CTNNAL1: variants seen among roughly 807,000 people sequenced by gnomAD.
CTNNAL1 encodes the protein catenin alpha like 1, also known as alpha-catulin.
CTNNAL1 carries 69 observed loss-of-function variants against 93.6 expected under a neutral mutation model. That is an observed-to-expected ratio of 0.74 (90% CI 0.61 to 0.90). The LOEUF (loss-of-function observed/expected upper bound fraction) is 0.90. Ranked by LOEUF, CTNNAL1 falls within the 40% of genes least tolerant of loss-of-function variation. CTNNAL1 has a pLI of 0.00. For missense variants in CTNNAL1, 836 were observed against 862.0 expected, an observed-to-expected ratio of 0.97 and a Z score of 0.38; for synonymous variants, 286 against 305.4, an observed-to-expected ratio of 0.94 and a Z score of 0.66.
chr9:109,001,831 A>G (rs62575214), intron 1 of CTNNAL1, among the ~76,000 whole-genome samples: 7,548 of 152,294 alleles, frequency 0.05, 303 homozygotes, highest in South Asian at 0.12. Context: ...AAGCCACTCT[A>G]GAATTAACCC....
chr9:108,979,334 A>G lies in CTNNAL1; in HGVS notation c.1048T>C (p.Ser350Pro), dbSNP rs1162057491. ...TGCAGTTCCATTCTCGCCTGAGTTG[A>G]CAGTTCCAAGATGCGTTCTCTGTGC... ...HEHRERILEL[S>P]TQARMELQQL... The change falls in exon 7 of 19, where the codon TCA becomes CCA. Residue 350 changes from serine to proline, a missense_variant. Physicochemically the swap from Ser to Pro is moderately conservative, Grantham distance 74. Transcript: ENST00000325551. 1.2e-6 allele frequency: 2 copies of G among 1,614,058 alleles called. No homozygotes were observed. The highest frequency in any genetic ancestry group is 1.3e-5 in the African/African-American group (1 of 74,912).
At chr9:108,966,199 G>A (rs913537307) in intron 10 of CTNNAL1, among the ~76,000 whole-genome samples, 3 of 152,084 alleles carry the variant, frequency 2.0e-5, no homozygotes, top group African/African-American at 7.2e-5. Context: ...TCCAAGTTCA[G>A]GCTCTTTCCA....
Position 108,951,658 on chromosome 9 carries a change from T to C in CTNNAL1, c.1835+551A>G, listed in dbSNP as rs187721807. On this transcript the variant is annotated intron_variant, in intron 14 of 18. Coordinates refer to ENST00000325551, the MANE Select transcript of CTNNAL1 (RefSeq NM_003798.4). Reference sequence around the variant, plus strand: ...ATTACTAAAATGGAAGACTGAAATATGACTAACATTGACATCAACAAGGCA... The same window carrying C: ...ATTACTAAAATGGAAGACTGAAATACGACTAACATTGACATCAACAAGGCA... Among the ~76,000 whole-genome samples the C allele has an allele frequency of 7.9e-4, 120 of 152,316 alleles. 1 individual carries two copies. The highest frequency in any genetic ancestry group is 2.7e-3 in the African/African-American group (111 of 41,578).
At chr9:109,006,749 G>C (rs1827038827) in intron 1 of CTNNAL1, among the ~76,000 whole-genome samples, 1 of 152,164 alleles carries the variant, frequency 6.6e-6, no homozygotes, top group African/African-American at 2.4e-5. Flanking sequence ...GGGTTTACTT[G>C]ATAGCTTCTA....
At chr9:108,955,369 A>G (rs1830666160) in intron 12 of CTNNAL1, among the ~76,000 whole-genome samples, 1 of 152,128 alleles carries the variant, frequency 6.6e-6, no homozygotes, top group Admixed American at 6.5e-5. Context: ...TCTTTCCCAT[A>G]AGTATGACAT....
At chr9:108,975,339 G>C (rs555776959) in intron 8 of CTNNAL1, among the ~76,000 whole-genome samples, 1 of 151,956 alleles carries the variant, frequency 6.6e-6, no homozygotes, top group African/African-American at 2.4e-5. Flanking sequence ...GCAGGGGTGG[G>C]GGTAGGGGGG....
chr9:108,968,794 C>A (rs1230189437), intron 10 of CTNNAL1, among the ~76,000 whole-genome samples: 1 of 152,154 alleles, frequency 6.6e-6, no homozygotes, highest in Admixed American at 6.6e-5. Context: ...GCACTGTTCT[C>A]AGCTATAAAT....
Position 108,943,763 on chromosome 9 carries a change from A to C in CTNNAL1, c.1995T>G (p.Pro665=). 6.2e-7 allele frequency: 1 copy of C among 1,613,916 alleles called. No individual in the cohort carries two copies. The highest frequency in any genetic ancestry group is 8.5e-7 in the Non-Finnish European group (1 of 1,179,906). Residue 665 remains proline (P), a synonymous_variant, in exon 17 of 19, where the codon CCT becomes CCG. Transcript: ENST00000325551. ...TTACTGTCTGGAGCTGGTGGCATAG[A>C]GGAATTAGCTTGTTTATTTCCAGGA... ...MLLLEINKLI[P]LCHQLQTVTK...
intron 14 of CTNNAL1, among the ~76,000 whole-genome samples, chr9:108,949,176 G>T (rs1476604799): frequency 6.6e-6 from 1 of 152,054 alleles, no homozygotes; most frequent in Non-Finnish European, 1.5e-5. Flanking sequence ...ACTGCTACAA[G>T]GTATTTATCT....
chr9:109,005,313 TGG>T (rs1826987757), intron 1 of CTNNAL1, among the ~76,000 whole-genome samples: 1 of 152,156 alleles, frequency 6.6e-6, no homozygotes, highest in Non-Finnish European at 1.5e-5. Context: ...GCTACCATCT[TGG>T]AAGAGACTGC....
chr9:108,955,016 G>A (rs1830657804), intron 12 of CTNNAL1, among the ~76,000 whole-genome samples: 1 of 150,712 alleles, frequency 6.6e-6, no homozygotes, highest in Admixed American at 6.6e-5. Flanking sequence ...AGGCTGGAGT[G>A]CAGTGGCACG....
intron 8 of CTNNAL1, among the ~76,000 whole-genome samples, chr9:108,975,379 A>G (rs1831238576): frequency 6.6e-6 from 1 of 152,022 alleles, no homozygotes; most frequent in South Asian, 2.1e-4. Context: ...AGAACCACTA[A>G]GGTATCCATG....
chr9:108,960,888 G>T (rs1186823808), intron 11 of CTNNAL1, among the ~76,000 whole-genome samples: 1 of 152,194 alleles, frequency 6.6e-6, no homozygotes, highest in Non-Finnish European at 1.5e-5. Flanking sequence ...GCAGAAGACA[G>T]GAAGACAAGT....
At chr9:108,969,874 G>A (rs1831060789) in intron 10 of CTNNAL1, among the ~76,000 whole-genome samples, 1 of 152,124 alleles carries the variant, frequency 6.6e-6, no homozygotes, top group African/African-American at 2.4e-5. Context: ...GTCTTGCTGT[G>A]TTGCCCAGGC....
intron 11 of CTNNAL1, among the ~76,000 whole-genome samples, chr9:108,964,374 C>A (rs1830898711): frequency 6.6e-6 from 1 of 151,824 alleles, no homozygotes; most frequent in Non-Finnish European, 1.5e-5. Flanking sequence ...TTGTAAATGA[C>A]ATTTTATTTA....
intron 4 of CTNNAL1, among the ~76,000 whole-genome samples, chr9:108,989,005 T>C (rs746585516): frequency 3.9e-5 from 6 of 152,192 alleles, no homozygotes; most frequent in Non-Finnish European, 8.8e-5. Flanking sequence ...ATAAAAAGGC[T>C]GCCAGTAAGT....
intron 1 of CTNNAL1, among the ~76,000 whole-genome samples, chr9:109,009,297 T>C (rs1018487960): frequency 2.0e-5 from 1 of 50,900 alleles, no homozygotes; most frequent in African/African-American, 9.7e-5. Context: ...GTAATGAAGA[T>C]ACTGCCCTAT....
chr9:108,970,790 C>T (rs11999831), intron 9 of CTNNAL1, among the ~76,000 whole-genome samples: 17,119 of 151,612 alleles, frequency 0.11, 1,161 homozygotes, highest in Middle Eastern at 0.15. Flanking sequence ...TAGTAGTGCC[C>T]ACATATTTTA....
At chr9:108,961,168 T>C (rs978323854) in intron 11 of CTNNAL1, among the ~76,000 whole-genome samples, 2 of 152,170 alleles carry the variant, frequency 1.3e-5, no homozygotes, top group East Asian at 3.8e-4. Flanking sequence ...TTTTCAACAA[T>C]AGTCATAACA....
Sources: allele counts gnomAD v4.1 joint callset (sites outside exome capture counted in the v4.1 genomes callset), GRCh38; gene constraint gnomAD v4.1.1; transcripts MANE v1.5; gene names NCBI Gene and HGNC (gene_info 2026-07-23, HGNC 2026-07-21).